Variants in TJP2 observed in about 807,000 individuals in gnomAD.
TJP2 encodes tight junction protein 2.
TJP2 carries 91 observed loss-of-function variants against 133.1 expected under a neutral mutation model. The observed-to-expected ratio is 0.68, with a 90% CI of 0.58 to 0.81. The LOEUF (loss-of-function observed/expected upper bound fraction) is 0.81. Ranked by LOEUF, TJP2 falls within the 40% of genes least tolerant of loss-of-function variation. TJP2 has a pLI of 0.00. For missense variants in TJP2, 1,541 were observed against 1,565.6 expected (o/e 0.98, Z 0.26); for synonymous variants, 592 against 583.4 (o/e 1.01, Z -0.21).
rs1563908476 is a variant in TJP2, at chr9:69,206,580, T to TAAG, written c.61-5968_61-5967insAAG. On this transcript the variant is annotated intron_variant, in intron 1 of 22. Transcript: ENST00000377245. The stretch of plus-strand genomic sequence containing the variant: ...TTATTTATTTATTTATTTATTTAAT[T>TAAG]TTTTTATTTCTTTTTGAGACGGAGT... 9.9e-5 allele frequency among the ~76,000 whole-genome samples: 15 copies of TAAG among 151,848 alleles called. 1 individual carries two copies. Among genetic ancestry groups the TAAG allele is most frequent in the Non-Finnish European group, 1.5e-5 (1 of 67,982 alleles).
At chr9:69,133,435 C>G (rs533320966) in intron 1 of TJP2, among the ~76,000 whole-genome samples, 1 of 152,092 alleles carries the variant, frequency 6.6e-6, no homozygotes, top group Non-Finnish European at 1.5e-5. Flanking sequence ...CTGCAAGTCA[C>G]TTCAGAGGCA....
rs553654058 is a variant in TJP2 at position 69,213,375 on chromosome 9, A to G, written c.114+774A>G. On this transcript the variant is annotated intron_variant, in intron 2 of 22. Transcript: ENST00000377245. ...CGTGCCCAGACGGTTCCGCATTTTTATTCCGTCAAGCTGCCTTCCGGTCAT... is the reference window on the plus strand; with the variant it reads ...CGTGCCCAGACGGTTCCGCATTTTTGTTCCGTCAAGCTGCCTTCCGGTCAT... Among the ~76,000 whole-genome samples, 45 of 152,086 alleles carry G rather than the reference A, an allele frequency of 3.0e-4. 1 individual carries two copies. The East Asian group carries it at 7.2e-3, about 24-fold the overall frequency.
chr9:69,155,810 G>A (rs1823725748), intron 2 of TJP2, among the ~76,000 whole-genome samples: 1 of 152,218 alleles, frequency 6.6e-6, no homozygotes, highest in African/African-American at 2.4e-5. Context: ...CCCCTTAAGA[G>A]GATGTGGCAG....
chr9:69,209,663 A>C (rs1290215399), intron 1 of TJP2, among the ~76,000 whole-genome samples: 1 of 151,082 alleles, frequency 6.6e-6, no homozygotes, highest in Non-Finnish European at 1.5e-5. Context: ...CTGAGGCAGG[A>C]GAATCGCTAG....
chr9:69,135,710 A>G (rs1051047644), intron 1 of TJP2, among the ~76,000 whole-genome samples: 1 of 152,052 alleles, frequency 6.6e-6, no homozygotes, highest in Non-Finnish European at 1.5e-5. Flanking sequence ...GGTTCAAGCA[A>G]TTCTCCTGCC....
chr9:69,173,497 G>T (rs1316720462), upstream of TJP2, among the ~76,000 whole-genome samples: 2 of 152,194 alleles, frequency 1.3e-5, no homozygotes, highest in Non-Finnish European at 2.9e-5. Flanking sequence ...TGGGAGAGGA[G>T]TTTCAATCTC....
Position 69,220,188 on chromosome 9 carries a change from T to TA in TJP2, c.343-695dup, listed in dbSNP as rs536073923. 9.7e-4 allele frequency among the ~76,000 whole-genome samples: 147 copies of TA among 152,268 alleles called. 2 individuals carry two copies. Among genetic ancestry groups the TA allele is most frequent in the Admixed American group, 7.4e-3 (113 of 15,284 alleles). Reference sequence around the variant, plus strand: ...AAATAAGGCATTGACTTTTCTTCCTTAAAATTTTAAAAATTTATGCATAAT... The same window carrying TA: ...AAATAAGGCATTGACTTTTCTTCCTTAAAAATTTTAAAAATTTATGCATAAT... On this transcript the variant is annotated intron_variant, in intron 4 of 22. Transcript: ENST00000377245.
intron 2 of TJP2, among the ~76,000 whole-genome samples, chr9:69,169,020 C>A (rs1824522150): frequency 6.6e-6 from 1 of 151,442 alleles, no homozygotes; most frequent in African/African-American, 2.4e-5. Context: ...GGAGATGAGG[C>A]TACCTGGAAG....
At chr9:69,205,191 G>A in intron 1 of TJP2, 5 of 1,537,292 alleles carry the variant, frequency 3.3e-6, no homozygotes, top group East Asian at 2.4e-5. Flanking sequence ...TACATAGGAT[G>A]TGGATCCAGG....
chr9:69,130,524 C>T (rs190917574), intron 1 of TJP2, among the ~76,000 whole-genome samples: 1 of 152,198 alleles, frequency 6.6e-6, no homozygotes, highest in African/African-American at 2.4e-5. Context: ...GTGTCTCTAA[C>T]GAGTGCCCAC....
At chr9:69,121,319 C>T, upstream of TJP2, 5 of 985,436 alleles carry the variant, frequency 5.1e-6, no homozygotes, top group Non-Finnish European at 6.0e-6. Flanking sequence ...GCTGCGTCTC[C>T]CTCCCGGGGC....
intron 1 of TJP2, among the ~76,000 whole-genome samples, chr9:69,139,983 C>T (rs1233293991): frequency 2.0e-5 from 3 of 152,154 alleles, no homozygotes; most frequent in Admixed American, 6.5e-5. Flanking sequence ...CGACCGCTGC[C>T]GTGAGCGTTG....
chr9:69,197,428 G>C (rs1315048052), intron 1 of TJP2, among the ~76,000 whole-genome samples: 1 of 152,124 alleles, frequency 6.6e-6, no homozygotes, highest in Non-Finnish European at 1.5e-5. Context: ...AAATAATACT[G>C]TTATGAACAT....
intron 2 of TJP2, among the ~76,000 whole-genome samples, chr9:69,156,370 A>G (rs1823757548): frequency 6.6e-6 from 1 of 152,116 alleles, no homozygotes; most frequent in Non-Finnish European, 1.5e-5. Flanking sequence ...CCAAAAAAAA[A>G]GAAAAATTTA....
intron 1 of TJP2, among the ~76,000 whole-genome samples, chr9:69,205,812 A>G (rs1200912809): frequency 6.6e-6 from 1 of 152,212 alleles, no homozygotes; most frequent in African/African-American, 2.4e-5. Context: ...GGGCAGCAGC[A>G]GTCTGTGGAT....
chr9:69,221,489 G>T lies in TJP2; in HGVS notation c.945G>T (p.Ala315=). ...GGGTCCTCCTGATGAAAAGCAGAGC[G>T]AACGAAGGTAGGCATGCTTGATGTG... The part of the protein sequence containing the change: ...PIGVLLMKSR[A]NEEYGLRLGS... Residue 315 remains alanine, a synonymous_variant, in exon 5 of 23, where the codon GCG becomes GCT. Coordinates refer to ENST00000377245, the MANE Select transcript of TJP2 (RefSeq NM_004817.4). 1.2e-6 allele frequency: 2 copies of T among 1,602,862 alleles called. No homozygotes were observed. Among genetic ancestry groups the T allele is most frequent in the East Asian group, 2.2e-5 (1 of 44,524 alleles).
Position 69,230,098 on chromosome 9 carries a change from G to A in TJP2, c.1537G>A (p.Val513Ile). 6.2e-7 allele frequency: 1 copy of A among 1,614,140 alleles called. No homozygotes were observed. The highest frequency in any genetic ancestry group is 8.5e-7 in the Non-Finnish European group (1 of 1,180,002). Residue 513 changes from valine (V) to isoleucine (I), a missense_variant, in exon 11 of 23, where the codon GTA (valine) becomes ATA (isoleucine). Coordinates refer to ENST00000377245, the MANE Select transcript of TJP2 (RefSeq NM_004817.4). ...CTATTGCAGCCCTAATACCAAAATG[G>A]TAAGGTTCAAGAAGGGAGACAGCGT... ...EAIYGPNTKM[V>I]RFKKGDSVGL...
chr9:69,150,803 T>C lies in TJP2; in HGVS notation c.-130-848T>C, dbSNP rs552226355. Among the ~76,000 whole-genome samples the C allele has an allele frequency of 8.6e-4, 131 of 152,254 alleles. 2 individuals carry two copies. Among genetic ancestry groups the C allele is most frequent in the African/African-American group, 3.0e-3 (126 of 41,542 alleles). On this transcript the variant is annotated intron_variant, in intron 1 of 5. Coordinates refer to the TJP2 transcript ENST00000423935. ...TTTCTGAGAGAAATGAAAACATATG[T>C]CCACATAAACAATTGTACACAAGTG...
chr9:69,169,868 GTC>G (rs1333614126), upstream of TJP2, among the ~76,000 whole-genome samples: 3 of 152,060 alleles, frequency 2.0e-5, no homozygotes, highest in Non-Finnish European at 4.4e-5. Flanking sequence ...TTGAGACAGT[GTC>G]TCTCTCTGTC....
Sources: allele counts gnomAD v4.1 joint callset (sites outside exome capture counted in the v4.1 genomes callset), GRCh38; gene constraint gnomAD v4.1.1; transcripts MANE v1.5; gene names NCBI Gene and HGNC (gene_info 2026-07-23, HGNC 2026-07-21).